The following CATSPERT variants were observed in gnomAD, a reference collection of about 807,000 sequenced individuals.
CATSPERT encodes cation channel sperm-associated targeting subunit tau.
At chr2:201,505,235 A>G in the CATSPERT span, among the ~76,000 whole-genome samples, 2 of 152,122 alleles carry the variant, frequency 1.3e-5, no homozygotes, top group African/African-American at 4.8e-5. Context: ...GGTGCACACC[A>G]TCATGTCTGG....
chr2:201,569,778 C>G, the CATSPERT span, among the ~76,000 whole-genome samples: 1 of 152,206 alleles, frequency 6.6e-6, no homozygotes, highest in African/African-American at 2.4e-5. Context: ...ATTAATCGAG[C>G]ATTTCTAGCT....
chr2:201,609,320 T>C, the CATSPERT span, among the ~76,000 whole-genome samples: 1 of 152,156 alleles, frequency 6.6e-6, no homozygotes, highest in African/African-American at 2.4e-5. Context: ...GGGATTTAAA[T>C]TACACATTAA....
At chr2:201,492,981 T>A in the CATSPERT span, 1 of 1,536,304 alleles carries the variant, frequency 6.5e-7, no homozygotes, top group African/African-American at 1.4e-5. Flanking sequence ...CTAATTTGTC[T>A]GCTTTATCAA....
At chr2:201,527,425 GA>G in the CATSPERT span, among the ~76,000 whole-genome samples, 1 of 151,998 alleles carries the variant, frequency 6.6e-6, no homozygotes, top group East Asian at 1.9e-4. Flanking sequence ...AATTCATATG[GA>G]GCCAAAAAGA....
the CATSPERT span, among the ~76,000 whole-genome samples, chr2:201,514,197 T>C: frequency 6.6e-6 from 1 of 152,118 alleles, no homozygotes; most frequent in Non-Finnish European, 1.5e-5. Context: ...TCCCAACTCA[T>C]TCTACAATAC....
At chr2:201,565,500 G>T in the CATSPERT span, among the ~76,000 whole-genome samples, 34 of 151,520 alleles carry the variant, frequency 2.2e-4, no homozygotes, top group African/African-American at 8.0e-4. Context: ...AAAAATAAAG[G>T]GAGTTTTCAC....
At chr2:201,535,078 T>G in the CATSPERT span, 1 of 917,326 alleles carries the variant, frequency 1.1e-6, no homozygotes, top group Non-Finnish European at 1.3e-6. Flanking sequence ...CTAAATTTTC[T>G]GTGACTGTGC....
chr2:201,598,674 C>T, the CATSPERT span, among the ~76,000 whole-genome samples: 2 of 152,026 alleles, frequency 1.3e-5, no homozygotes, highest in Non-Finnish European at 2.9e-5. Flanking sequence ...CTCTGTCTCT[C>T]GGGTTCAAGC....
chr2:201,581,591 TATACAC>T, the CATSPERT span, among the ~76,000 whole-genome samples: 2 of 45,312 alleles, frequency 4.4e-5, no homozygotes, highest in Admixed American at 2.8e-4. Flanking sequence ...TATATATATA[TATACAC>T]ATACATATTC....
chr2:201,619,127 C>T, the CATSPERT span: 2 of 1,614,084 alleles, frequency 1.2e-6, no homozygotes, highest in Non-Finnish European at 8.5e-7. Context: ...TGGGGTGGCT[C>T]CATCTCTCCA....
At chr2:201,533,736 G>T in the CATSPERT span, among the ~76,000 whole-genome samples, 1 of 152,128 alleles carries the variant, frequency 6.6e-6, no homozygotes, top group South Asian at 2.1e-4. Context: ...TCCAAATATG[G>T]CCCCCAATGC....
chr2:201,591,288 T>C, the CATSPERT span, among the ~76,000 whole-genome samples: 1 of 152,208 alleles, frequency 6.6e-6, no homozygotes, highest in Non-Finnish European at 1.5e-5. Flanking sequence ...AAAGATCAGA[T>C]AGTTGTAGAT....
chr2:201,555,184 T>C, the CATSPERT span: 2 of 152,194 alleles, frequency 1.3e-5, no homozygotes, highest in East Asian at 1.9e-4. Context: ...TGAATAATTA[T>C]AACACACTCT....
the CATSPERT span, chr2:201,574,225 T>C: frequency 1.2e-6 from 2 of 1,603,768 alleles, no homozygotes; most frequent in Admixed American, 1.7e-5. Flanking sequence ...TGAAAATCCA[T>C]AACCAAAGTT....
At chr2:201,581,835 C>T in the CATSPERT span, among the ~76,000 whole-genome samples, 1 of 151,250 alleles carries the variant, frequency 6.6e-6, no homozygotes, top group Non-Finnish European at 1.5e-5. Context: ...CTCGAACTCC[C>T]GACCTCAGTT....
chr2:201,539,559 TG>T, the CATSPERT span, among the ~76,000 whole-genome samples: 2 of 77,980 alleles, frequency 2.6e-5, no homozygotes, highest in African/African-American at 3.4e-5. Context: ...TTAACGAGGT[TG>T]TTTTTTTTTT....
At chr2:201,580,550 T>A in the CATSPERT span, among the ~76,000 whole-genome samples, 1 of 152,216 alleles carries the variant, frequency 6.6e-6, no homozygotes, top group Non-Finnish European at 1.5e-5. Context: ...TTTTTGAAGA[T>A]CACCAAGGAG....
chr2:201,524,110 A>G, the CATSPERT span, among the ~76,000 whole-genome samples: 1 of 152,308 alleles, frequency 6.6e-6, no homozygotes, highest in East Asian at 1.9e-4. Flanking sequence ...CATCCCCAAG[A>G]CATATAGTTA....
the CATSPERT span, chr2:201,582,161 A>G: frequency 6.2e-7 from 1 of 1,610,180 alleles, no homozygotes; most frequent in South Asian, 1.1e-5. Flanking sequence ...CTCTATTGTC[A>G]TATTGTATGA....
Sources: allele counts gnomAD v4.1 joint callset (sites outside exome capture counted in the v4.1 genomes callset), GRCh38; gene constraint gnomAD v4.1.1; transcripts MANE v1.5; gene names NCBI Gene and HGNC (gene_info 2026-07-23, HGNC 2026-07-21).